C1QTNF3: variants seen among roughly 807,000 people sequenced by gnomAD.
C1QTNF3 encodes the protein C1q and TNF related 3.
A neutral mutation model predicts 32.6 loss-of-function variants in C1QTNF3; 26 were observed. The observed-to-expected ratio is 0.80, with a 90% CI of 0.58 to 1.11. The LOEUF (loss-of-function observed/expected upper bound fraction) is 1.11, where lower values mean the gene tolerates loss of function less well. Ranked by LOEUF, C1QTNF3 falls within the 50% of genes least tolerant of loss-of-function variation. The pLI, the probability that C1QTNF3 is intolerant of heterozygous loss-of-function variation, is 0.00. For missense variants in C1QTNF3, 362 were observed against 398.2 expected, an observed-to-expected ratio of 0.91 and a Z score of 0.77; for synonymous variants, 155 against 146.0, an observed-to-expected ratio of 1.06 and a Z score of -0.44.
At chr5:34,172,084 A>C in the C1QTNF3 span, among the ~76,000 whole-genome samples, 1 of 152,234 alleles carries the variant, frequency 6.6e-6, no homozygotes, top group Non-Finnish European at 1.5e-5. Context: ...GAATGCCATT[A>C]TGAAACTTAG....
chr5:34,219,232 T>C, the C1QTNF3 span, among the ~76,000 whole-genome samples: 1 of 152,010 alleles, frequency 6.6e-6, no homozygotes, highest in African/African-American at 2.4e-5. Flanking sequence ...AGTAATTACA[T>C]GAGTGTATTA....
the C1QTNF3 span, chr5:34,200,740 C>T: frequency 1.3e-5 from 2 of 152,116 alleles, no homozygotes; most frequent in Non-Finnish European, 2.9e-5. Context: ...TCTCTACATT[C>T]TGATCACCAC....
chr5:34,066,610 G>T, the C1QTNF3 span, among the ~76,000 whole-genome samples: 1 of 151,294 alleles, frequency 6.6e-6, no homozygotes, highest in African/African-American at 2.4e-5. Context: ...TGATAATGAC[G>T]GCGAAATTTA....
chr5:34,115,473 G>A, the C1QTNF3 span, among the ~76,000 whole-genome samples: 1 of 152,178 alleles, frequency 6.6e-6, no homozygotes, highest in African/African-American at 2.4e-5. Context: ...GCTCATGCCT[G>A]TAATCTCAGC....
At chr5:34,167,597 T>C in the C1QTNF3 span, 3 of 152,138 alleles carry the variant, frequency 2.0e-5, no homozygotes, top group South Asian at 6.2e-4. Flanking sequence ...AGCCAGTAGG[T>C]TAGCAGCTCC....
At chr5:34,213,939 G>A in the C1QTNF3 span, among the ~76,000 whole-genome samples, 2 of 147,204 alleles carry the variant, frequency 1.4e-5, no homozygotes, top group African/African-American at 5.0e-5. Context: ...AGCCTCCCAA[G>A]TGGCTGGAAT....
At chr5:34,210,759 G>A in the C1QTNF3 span, among the ~76,000 whole-genome samples, 1 of 151,972 alleles carries the variant, frequency 6.6e-6, no homozygotes, top group African/African-American at 2.4e-5. Context: ...ATTCCTTTGT[G>A]AGTGTGAACT....
chr5:34,042,121 T>C (rs1754885310), intron 1 of C1QTNF3, among the ~76,000 whole-genome samples: 1 of 151,776 alleles, frequency 6.6e-6, no homozygotes. Context: ...CTCACTCTCA[T>C]ACTACCAAGA....
the C1QTNF3 span, among the ~76,000 whole-genome samples, chr5:34,174,987 T>C: frequency 8.6e-5 from 13 of 151,762 alleles, no homozygotes; most frequent in African/African-American, 3.1e-4. Flanking sequence ...GACCTCATGA[T>C]CTGCCTGCCT....
At chr5:34,091,948 C>T in the C1QTNF3 span, among the ~76,000 whole-genome samples, 1 of 151,794 alleles carries the variant, frequency 6.6e-6, no homozygotes, top group South Asian at 2.1e-4. Context: ...AAAGTTTATT[C>T]AATTGTTAAC....
At chr5:34,075,463 GA>G in the C1QTNF3 span, among the ~76,000 whole-genome samples, 4 of 151,562 alleles carry the variant, frequency 2.6e-5, no homozygotes, top group Non-Finnish European at 4.4e-5. Context: ...TACATGGAAA[GA>G]AAAAGAATAG....
chr5:34,096,520 TATA>T, the C1QTNF3 span, among the ~76,000 whole-genome samples: 47 of 135,598 alleles, frequency 3.5e-4, no homozygotes, highest in Admixed American at 1.7e-3. Flanking sequence ...ACAGCACAAC[TATA>T]ATAACCGCCA....
At chr5:34,071,443 A>G in the C1QTNF3 span, among the ~76,000 whole-genome samples, 1 of 152,190 alleles carries the variant, frequency 6.6e-6, no homozygotes, top group Non-Finnish European at 1.5e-5. Context: ...ATGACTCATT[A>G]TTTCCATAAA....
At chr5:34,232,426 T>C in the C1QTNF3 span, among the ~76,000 whole-genome samples, 2 of 151,678 alleles carry the variant, frequency 1.3e-5, no homozygotes, top group African/African-American at 4.8e-5. Context: ...AGAAATAATA[T>C]GGCTTGGCCC....
At chr5:34,034,114 C>G (rs754740470) in intron 2 of C1QTNF3, among the ~76,000 whole-genome samples, 2 of 152,142 alleles carry the variant, frequency 1.3e-5, no homozygotes, top group African/African-American at 2.4e-5. Context: ...CTACAGGGAG[C>G]CTGGATCATG....
At chr5:34,216,311 C>T in the C1QTNF3 span, among the ~76,000 whole-genome samples, 5,707 of 152,230 alleles carry the variant, frequency 0.037, 364 homozygotes, top group African/African-American at 0.13. Context: ...CAGTACAGCA[C>T]AATATTCCAT....
the C1QTNF3 span, among the ~76,000 whole-genome samples, chr5:34,178,059 A>C: frequency 6.7e-6 from 1 of 150,346 alleles, no homozygotes; most frequent in Non-Finnish European, 1.5e-5. Context: ...TTGAGGTCAA[A>C]AGTTCAAGAC....
At chr5:34,238,441 A>G in the C1QTNF3 span, among the ~76,000 whole-genome samples, 10 of 152,318 alleles carry the variant, frequency 6.6e-5, no homozygotes, top group Admixed American at 3.9e-4. Context: ...AAACAGCCAC[A>G]CTGAATTTCT....
chr5:34,154,237 G>A, the C1QTNF3 span, among the ~76,000 whole-genome samples: 3 of 152,106 alleles, frequency 2.0e-5, no homozygotes, highest in East Asian at 3.9e-4. Flanking sequence ...AAAGTATAAC[G>A]AGTTTTTTTC....
Sources: gnomAD v4.1 joint callset for allele counts (sites outside exome capture counted in the v4.1 genomes callset) on GRCh38, gnomAD v4.1.1 for gene constraint, MANE v1.5 for transcripts, NCBI Gene and HGNC (gene_info 2026-07-23, HGNC 2026-07-21) for gene names.